EYS: variants seen among roughly 807,000 people sequenced by gnomAD.
EYS encodes the protein protein eyes shut homolog.
A neutral mutation model predicts 282.1 loss-of-function variants in EYS; 250 were observed. The observed-to-expected ratio is 0.89, with a 90% CI of 0.80 to 0.98. The LOEUF is 0.98. EYS is among the 50% of genes least tolerant of loss of function. The pLI is 0.00. For missense variants in EYS, 4,016 were observed against 3,709.0 expected (o/e 1.08, Z -2.15); for synonymous variants, 1,355 against 1,282.9 (o/e 1.06, Z -1.20).
At chr6:64,531,513 A>C (rs2150531957) in intron 26 of EYS, among the ~76,000 whole-genome samples, 1 of 148,874 alleles carries the variant, frequency 6.7e-6, no homozygotes, top group South Asian at 2.1e-4. Context: ...CAGCCTCCCG[A>C]ATATCTGGGA....
chr6:63,851,989 C>G (rs1581894208), intron 36 of EYS, among the ~76,000 whole-genome samples: 2 of 151,906 alleles, frequency 1.3e-5, no homozygotes, highest in South Asian at 4.2e-4. Flanking sequence ...AACCCCGTCT[C>G]TACTAAAAAT....
intron 15 of EYS, among the ~76,000 whole-genome samples, chr6:64,938,203 G>A (rs535347362): frequency 2.3e-4 from 35 of 151,666 alleles, no homozygotes; most frequent in African/African-American, 8.2e-4. Context: ...AGATAGTGGT[G>A]ATCCTTGTAC....
chr6:65,686,705 C>G (rs558554552), intron 1 of EYS, among the ~76,000 whole-genome samples: 2 of 152,014 alleles, frequency 1.3e-5, no homozygotes, highest in Non-Finnish European at 2.9e-5. Flanking sequence ...GTTTTTAAAG[C>G]AAGAAAGTAT....
chr6:64,872,202 G>A (rs1178987221), intron 19 of EYS, among the ~76,000 whole-genome samples: 3 of 152,076 alleles, frequency 2.0e-5, no homozygotes, highest in Middle Eastern at 3.4e-3. Context: ...CCAGCCTGTT[G>A]TTACCAAAGT....
rs12191881 is a variant in EYS, at chr6:64,351,080, T to G, written c.6078+37610A>C. On this transcript the variant is annotated intron_variant, in intron 29 of 42. Coordinates refer to ENST00000503581, the MANE Select transcript of EYS (RefSeq NM_001142800.2). ...CAATGAAACCTCTTTTTTTTTTTTT[T>G]AATAAATTACCCAGCCTCAGGTATT... Among the ~76,000 whole-genome samples the G allele has an allele frequency of 1.4e-3, 218 of 150,380 alleles. 1 individual carries two copies. The highest frequency in any genetic ancestry group is 4.0e-3 in the African/African-American group (163 of 41,094).
intron 22 of EYS, among the ~76,000 whole-genome samples, chr6:64,714,702 T>A (rs1189224227): frequency 6.6e-6 from 1 of 151,732 alleles, no homozygotes; most frequent in African/African-American, 2.4e-5. Context: ...ATTTTTTGTA[T>A]TTTTTAGTAG....
At chr6:64,813,703 T>C in intron 21 of EYS, 126 bp from the exon 22 acceptor site, 3 of 551,092 alleles carry the variant, frequency 5.4e-6, no homozygotes, top group Non-Finnish European at 8.7e-6. Flanking sequence ...ATTTCCTTCC[T>C]CTGTTAATTG....
intron 19 of EYS, among the ~76,000 whole-genome samples, chr6:64,832,525 A>G (rs555913527): frequency 2.6e-5 from 4 of 151,964 alleles, no homozygotes; most frequent in African/African-American, 7.2e-5. Context: ...GCTATTAACT[A>G]TAGTACCTAT....
intron 29 of EYS, among the ~76,000 whole-genome samples, chr6:64,347,224 T>G (rs1223506615): frequency 6.6e-6 from 1 of 151,406 alleles, no homozygotes; most frequent in Non-Finnish European, 1.5e-5. Flanking sequence ...TCTACCTGAT[T>G]TGGTTTAATT....
chr6:64,594,983 CA>C (rs1766535529), intron 24 of EYS, among the ~76,000 whole-genome samples: 1 of 151,956 alleles, frequency 6.6e-6, no homozygotes, highest in South Asian at 2.1e-4. Context: ...CAAAACTAGA[CA>C]AGAACATAAA....
At chr6:64,515,677 G>A (rs1187928119) in intron 26 of EYS, among the ~76,000 whole-genome samples, 1 of 151,414 alleles carries the variant, frequency 6.6e-6, no homozygotes, top group Admixed American at 6.6e-5. Context: ...CATTATGTTT[G>A]TGACAAAATC....
chr6:64,667,710 G>C (rs1270152113), intron 22 of EYS, among the ~76,000 whole-genome samples: 1 of 151,854 alleles, frequency 6.6e-6, no homozygotes, highest in African/African-American at 2.4e-5. Context: ...CACTCAAAAG[G>C]TAATTTACAT....
intron 13 of EYS, among the ~76,000 whole-genome samples, chr6:65,017,750 C>A (rs1772101110): frequency 1.3e-5 from 2 of 152,206 alleles, no homozygotes; most frequent in African/African-American, 4.8e-5. Flanking sequence ...AAATGGCTAA[C>A]ATTCATCTTT....
chr6:65,023,849 C>A (rs770035725), intron 13 of EYS, among the ~76,000 whole-genome samples: 1 of 152,186 alleles, frequency 6.6e-6, no homozygotes, highest in Non-Finnish European at 1.5e-5. Context: ...CCTTCATATA[C>A]CACCACCTAG....
chr6:64,932,646 T>G (rs1466240925), intron 15 of EYS, among the ~76,000 whole-genome samples: 1 of 152,052 alleles, frequency 6.6e-6, no homozygotes. Context: ...TGACTAACCT[T>G]GAGGCTCTAT....
rs34422988 is a variant in EYS, at chr6:65,386,406, G to GTT, written c.1185-1908_1185-1907dup. 3.2e-3 allele frequency among the ~76,000 whole-genome samples: 480 copies of GTT among 149,514 alleles called. 4 individuals are homozygous for GTT. Among genetic ancestry groups the GTT allele is most frequent in the African/African-American group, 0.01 (426 of 40,746 alleles). ...TGCGCTTGTATCCCTGAACTTTAAA[G>GTT]TTTTTTTTTTCAAAAAGGGAAAACT... is the stretch of plus-strand genomic sequence containing the variant. On this transcript the variant is annotated intron_variant, in intron 7 of 42. Transcript: ENST00000503581.
At chr6:65,446,114 T>C (rs867444742) in intron 5 of EYS, among the ~76,000 whole-genome samples, 5 of 151,748 alleles carry the variant, frequency 3.3e-5, no homozygotes, top group African/African-American at 9.7e-5. Flanking sequence ...GTGGACCCAA[T>C]TGATCACTTG....
Position 64,066,573 on chromosome 6 carries a change from A to G in EYS, c.6572-82T>C, listed in dbSNP as rs546930583. 54 of 964,190 alleles carry G rather than the reference A, an allele frequency of 5.6e-5. No homozygotes were observed. In the South Asian group the frequency reaches 7.6e-4, roughly 14 times the overall value. The allele number at this position is 964,190 out of a possible 1,614,324, so 59.7% of individuals were successfully genotyped here. On this transcript the variant is annotated intron_variant, in intron 32 of 42. Coordinates refer to ENST00000503581, the MANE Select transcript of EYS (RefSeq NM_001142800.2). ...ACAATAATTAAACACAATCTTTGCC[A>G]TCAAAGACTAATGATTTAGGGGGTT... is the stretch of plus-strand genomic sequence containing the variant.
At chr6:64,345,960 A>G (rs1313740248) in intron 29 of EYS, among the ~76,000 whole-genome samples, 1 of 152,200 alleles carries the variant, frequency 6.6e-6, no homozygotes. Flanking sequence ...AATGCTCATC[A>G]TCACTGGCCA....
Sources: allele counts gnomAD v4.1 joint callset (sites outside exome capture counted in the v4.1 genomes callset), GRCh38; gene constraint gnomAD v4.1.1; transcripts MANE v1.5; gene names NCBI Gene and HGNC (gene_info 2026-07-23, HGNC 2026-07-21).